Variants in C1orf21 observed in about 807,000 individuals in gnomAD.
The protein encoded by C1orf21 is uncharacterized protein C1orf21.
Under a neutral mutation model 18.7 loss-of-function variants are expected in C1orf21, and 3 were observed. That is an observed-to-expected ratio of 0.16 (90% CI 0.07 to 0.42). The LOEUF (loss-of-function observed/expected upper bound fraction) is 0.42, where lower values mean the gene tolerates loss of function less well. C1orf21 is among the 10% of genes least tolerant of loss of function. The pLI is 0.99. For synonymous variants in C1orf21, 41 were observed against 46.4 expected (o/e 0.88, Z 0.47); for missense variants, 104 against 143.6 (o/e 0.72, Z 1.41).
rs1557965101 is a variant in C1orf21 at position 184,410,651 on chromosome 1, ATATATATATATATTTTTTTT to A, written c.-125+23285_-125+23304del. Among the ~76,000 whole-genome samples, 7 of 5,730 alleles carry A rather than the reference ATATATATATATATTTTTTTT, an allele frequency of 1.2e-3. 3 individuals carry two copies. In the African/African-American group the frequency reaches 0.029, roughly 23 times the overall value. The allele number at this position is 5,730 out of a possible 152,430, so 3.8% of individuals were successfully genotyped here. ...TATATATATATATATATATATATAT[ATATATATATATATTTTTTTT>A]TTTTTTTTTTGAGATGGAGTTTCGC... On this transcript the variant is annotated intron_variant, in intron 1 of 5. Transcript: ENST00000235307.
At chr1:184,415,394 G>A (rs1167496202) in intron 1 of C1orf21, among the ~76,000 whole-genome samples, 2 of 152,174 alleles carry the variant, frequency 1.3e-5, no homozygotes, top group Non-Finnish European at 2.9e-5. Flanking sequence ...GATAATTGAA[G>A]CAACAGTTCC....
intron 3 of C1orf21, among the ~76,000 whole-genome samples, chr1:184,564,997 C>T (rs1475804503): frequency 1.3e-5 from 2 of 152,186 alleles, no homozygotes; most frequent in Admixed American, 6.5e-5. Flanking sequence ...ACAGTATGAA[C>T]TTCATCAAGT....
intron 3 of C1orf21, among the ~76,000 whole-genome samples, chr1:184,569,873 G>C (rs762183363): frequency 6.6e-6 from 1 of 152,176 alleles, no homozygotes; most frequent in Non-Finnish European, 1.5e-5. Context: ...GAGGACTATG[G>C]CATAGCCATA....
rs1656256553 is a variant in C1orf21, at chr1:184,406,845, A to G, written c.-125+19477A>G. ...GGTCTTGCCCTGTCACCCAGGCTGGAGTATAGTGGCATGATCACAGCTCAC... is the reference window on the plus strand; with the variant it reads ...GGTCTTGCCCTGTCACCCAGGCTGGGGTATAGTGGCATGATCACAGCTCAC... On this transcript the variant is annotated intron_variant, in intron 1 of 5. Transcript: ENST00000235307. Among the ~76,000 whole-genome samples the G allele has an allele frequency of 4.6e-5, 7 of 151,646 alleles. No homozygotes were observed. In the South Asian group the frequency reaches 1.5e-3, roughly 32 times the overall value.
rs542016646 is a variant in C1orf21 at position 184,596,008 on chromosome 1, C to A, written c.267-2393C>A. Among the ~76,000 whole-genome samples the A allele has an allele frequency of 9.8e-5, 15 of 152,316 alleles. No homozygotes were observed. In the South Asian group the frequency reaches 2.5e-3, roughly 25 times the overall value. On this transcript the variant is annotated intron_variant, in intron 4 of 5. Coordinates refer to ENST00000235307, the MANE Select transcript of C1orf21 (RefSeq NM_030806.4). ...TGTGGTTGCTTTCCTACATAAGCAT[C>A]CCGAGGTCCTTAGCCACCACTTTTG...
intron 3 of C1orf21, among the ~76,000 whole-genome samples, chr1:184,533,304 C>T (rs925144791): frequency 2.0e-5 from 3 of 152,090 alleles, no homozygotes; most frequent in African/African-American, 7.2e-5. Flanking sequence ...CCCTTTGTAA[C>T]TCATATCATA....
chr1:184,449,138 G>T (rs978535832), intron 1 of C1orf21, among the ~76,000 whole-genome samples: 1 of 151,988 alleles, frequency 6.6e-6, no homozygotes. Flanking sequence ...CCATGTTGGT[G>T]TGCTGCACCC....
chr1:184,548,214 A>AACACACACACAC (rs58174774), intron 3 of C1orf21, among the ~76,000 whole-genome samples: 144 of 140,022 alleles, frequency 1.0e-3, no homozygotes, highest in African/African-American at 3.4e-3. Context: ...TCAAATCCCC[A>AACACACACACAC]ACACACACAC....
chr1:184,397,208 G>A lies in C1orf21; in HGVS notation c.-125+9840G>A, dbSNP rs1656064308. On this transcript the variant is annotated intron_variant, in intron 1 of 5. Coordinates refer to ENST00000235307, the MANE Select transcript of C1orf21 (RefSeq NM_030806.4). ...TATGAAGAAGTAAAACAAATCTAAAGACATTTTCATAATGTCTGTTATTAA... is the reference window on the plus strand; with the variant it reads ...TATGAAGAAGTAAAACAAATCTAAAAACATTTTCATAATGTCTGTTATTAA... 1.3e-5 allele frequency among the ~76,000 whole-genome samples: 2 copies of A among 152,186 alleles called. 1 individual carries two copies. The highest frequency in any genetic ancestry group is 4.1e-4 in the South Asian group (2 of 4,834).
chr1:184,587,606 A>G (rs1240465338), intron 3 of C1orf21, among the ~76,000 whole-genome samples: 2 of 146,182 alleles, frequency 1.4e-5, no homozygotes, highest in African/African-American at 2.5e-5. Flanking sequence ...AGCTCTTGGC[A>G]TGACTGTTGT....
At chr1:184,588,538 A>G (rs1405389946) in intron 3 of C1orf21, among the ~76,000 whole-genome samples, 2 of 152,176 alleles carry the variant, frequency 1.3e-5, no homozygotes, top group Admixed American at 6.5e-5. Flanking sequence ...TATTACTTGT[A>G]TGGTCTCAGG....
intron 3 of C1orf21, among the ~76,000 whole-genome samples, chr1:184,568,984 C>A (rs1249099848): frequency 1.3e-5 from 2 of 152,178 alleles, no homozygotes; most frequent in South Asian, 4.1e-4. Flanking sequence ...GACGTGAACA[C>A]CGTCTTTAGG....
chr1:184,395,830 G>T (rs533143117), intron 1 of C1orf21, among the ~76,000 whole-genome samples: 1 of 152,178 alleles, frequency 6.6e-6, no homozygotes, highest in Non-Finnish European at 1.5e-5. Flanking sequence ...GTCATAAAAG[G>T]TATCACAGAG....
chr1:184,397,001 T>C (rs958332809), intron 1 of C1orf21, among the ~76,000 whole-genome samples: 8 of 152,182 alleles, frequency 5.3e-5, no homozygotes, highest in African/African-American at 1.9e-4. Flanking sequence ...GAAGCTGTTG[T>C]GGTTCAGCAT....
intron 1 of C1orf21, among the ~76,000 whole-genome samples, chr1:184,443,857 T>C (rs949202360): frequency 6.6e-6 from 1 of 152,144 alleles, no homozygotes; most frequent in African/African-American, 2.4e-5. Context: ...TTGCACTGTT[T>C]AGAGCCTCCT....
chr1:184,584,909 T>C (rs1177719815), intron 3 of C1orf21, among the ~76,000 whole-genome samples: 1 of 152,140 alleles, frequency 6.6e-6, no homozygotes, highest in African/African-American at 2.4e-5. Flanking sequence ...CCCAGCACTA[T>C]GAATGAGAGC....
Position 184,620,670 on chromosome 1 carries a change from A to G in C1orf21, c.*1114A>G, listed in dbSNP as rs1415037607. ...CATAGCAAAAGTGTTTGCCTACTCA[A>G]AAACATAATACTTTTATGCTGATGA... is the stretch of plus-strand genomic sequence containing the variant. On this transcript the variant is annotated 3_prime_UTR_variant, in exon 6 of 6. Transcript: ENST00000235307. The G allele has an allele frequency of 1.3e-5, 2 of 152,648 alleles. No individual in the cohort carries two copies. Among genetic ancestry groups the G allele is most frequent in the African/African-American group, 2.4e-5 (1 of 41,456 alleles). The allele number at this position is 152,648 out of a possible 1,614,324, so 9.5% of individuals were successfully genotyped here. A position where few individuals can be genotyped will look rare whatever the true frequency, so the allele number is the denominator to read the frequency against.
At chr1:184,572,916 A>T (rs1047629810) in intron 3 of C1orf21, among the ~76,000 whole-genome samples, 5 of 149,952 alleles carry the variant, frequency 3.3e-5, no homozygotes, top group Non-Finnish European at 7.4e-5. Context: ...ACGCCACTGT[A>T]CTCTAGCCTG....
rs201196718 is a variant in C1orf21 at position 184,577,947 on chromosome 1, G to GTTTTTTTTTTTTTTTT, written c.190-12787_190-12786insTTTTTTTTTTTTTTTT. Among the ~76,000 whole-genome samples, 99 of 86,700 alleles carry GTTTTTTTTTTTTTTTT rather than the reference G, an allele frequency of 1.1e-3. 2 individuals carry two copies. Among genetic ancestry groups the GTTTTTTTTTTTTTTTT allele is most frequent in the African/African-American group, 3.0e-3 (54 of 18,104 alleles). The allele number at this position is 86,700 out of a possible 152,430, so 56.9% of individuals were successfully genotyped here. A position where few individuals can be genotyped will look rare whatever the true frequency, so the allele number is the denominator to read the frequency against. ...TCTTTGTCCGTTTGTTTTTTGTTTT[G>GTTTTTTTTTTTTTTTT]TTTTTGTTTTTTTTTTTTTTTTTTG... On this transcript the variant is annotated intron_variant, in intron 3 of 5. Transcript: ENST00000235307.
Sources: allele counts gnomAD v4.1 joint callset (sites outside exome capture counted in the v4.1 genomes callset), GRCh38; gene constraint gnomAD v4.1.1; transcripts MANE v1.5; gene names NCBI Gene and HGNC (gene_info 2026-07-23, HGNC 2026-07-21).